The following NXPH1 variants were observed in gnomAD, a reference collection of about 807,000 sequenced individuals.
NXPH1 encodes neurexophilin-1.
Under a neutral mutation model 23.7 loss-of-function variants are expected in NXPH1, and 5 were observed. That is an observed-to-expected ratio of 0.21 (90% CI 0.11 to 0.44). The LOEUF (loss-of-function observed/expected upper bound fraction) is 0.44. Among genes scored for constraint, NXPH1 ranks in the 20% least tolerant of loss-of-function variants. The pLI is 0.99. For missense variants in NXPH1, 324 were observed against 321.6 expected (o/e 1.01, Z -0.06); for synonymous variants, 144 against 122.2 (o/e 1.18, Z -1.18).
intron 2 of NXPH1, among the ~76,000 whole-genome samples, chr7:8,595,812 T>A (rs1244398218): frequency 6.6e-6 from 1 of 151,992 alleles, no homozygotes; most frequent in Non-Finnish European, 1.5e-5. Flanking sequence ...GAAAGGAAAA[T>A]TGAACAAACA....
intron 2 of NXPH1, among the ~76,000 whole-genome samples, chr7:8,731,497 G>A (rs1418920194): frequency 6.6e-6 from 1 of 152,106 alleles, no homozygotes; most frequent in East Asian, 1.9e-4. Context: ...CTTTGATGAT[G>A]GTGACGTACA....
chr7:8,688,298 C>G (rs544123011), intron 2 of NXPH1, among the ~76,000 whole-genome samples: 5 of 152,194 alleles, frequency 3.3e-5, no homozygotes, highest in African/African-American at 1.2e-4. Context: ...AGTCATGGAA[C>G]TGATTCATTA....
chr7:8,620,642 C>T (rs1002139790), intron 2 of NXPH1, among the ~76,000 whole-genome samples: 4 of 152,168 alleles, frequency 2.6e-5, no homozygotes, highest in Non-Finnish European at 5.9e-5. Context: ...AGAAACTGAG[C>T]CCCGCTGATA....
chr7:8,669,064 C>T lies in NXPH1; in HGVS notation c.55-81944C>T, dbSNP rs909676065. ...TGGAATTTGGGTCCACAGGGATGGT[C>T]CTGGAGCTTGAGTATGTTCCAGCCA... On this transcript the variant is annotated intron_variant, in intron 2 of 2. Transcript: ENST00000405863. 3.3e-5 allele frequency among the ~76,000 whole-genome samples: 5 copies of T among 152,252 alleles called. No homozygotes were observed. The South Asian group carries it at 8.3e-4, about 25-fold the overall frequency.
chr7:8,702,389 C>T (rs1779638247), intron 2 of NXPH1, among the ~76,000 whole-genome samples: 1 of 151,816 alleles, frequency 6.6e-6, no homozygotes, highest in Admixed American at 6.6e-5. Flanking sequence ...TTATTCAAAC[C>T]CGATATTTAT....
At chr7:8,741,307 G>T (rs1780356080) in intron 2 of NXPH1, among the ~76,000 whole-genome samples, 1 of 151,826 alleles carries the variant, frequency 6.6e-6, no homozygotes. Context: ...TTCATCCCTT[G>T]ATGGACACTT....
intron 2 of NXPH1, among the ~76,000 whole-genome samples, chr7:8,574,430 A>T (rs1025996266): frequency 6.6e-6 from 1 of 152,000 alleles, no homozygotes; most frequent in Non-Finnish European, 1.5e-5. Context: ...CATCACATAG[A>T]TGTTTTTATG....
intron 2 of NXPH1, among the ~76,000 whole-genome samples, chr7:8,580,923 G>A (rs1818855616): frequency 6.6e-6 from 1 of 151,962 alleles, no homozygotes; most frequent in Non-Finnish European, 1.5e-5. Flanking sequence ...CTTTTTATTT[G>A]GATTTTTAAA....
chr7:8,519,450 C>G (rs1273745429), intron 2 of NXPH1, among the ~76,000 whole-genome samples: 1 of 152,100 alleles, frequency 6.6e-6, no homozygotes, highest in Non-Finnish European at 1.5e-5. Flanking sequence ...ATTAAAAATG[C>G]TATTTTGTTT....
intron 2 of NXPH1, among the ~76,000 whole-genome samples, chr7:8,715,005 A>C (rs1228965864): frequency 6.6e-6 from 1 of 152,156 alleles, no homozygotes; most frequent in Non-Finnish European, 1.5e-5. Context: ...CCAGCACAGC[A>C]CTAGGACTTG....
chr7:8,650,772 ACAGTG>A (rs1218709150), intron 2 of NXPH1, among the ~76,000 whole-genome samples: 1 of 152,194 alleles, frequency 6.6e-6, no homozygotes, highest in Non-Finnish European at 1.5e-5. Context: ...AAGTGAAATG[ACAGTG>A]CTGTTGAAAT....
chr7:8,676,666 C>A (rs1467250315), intron 2 of NXPH1, among the ~76,000 whole-genome samples: 1 of 152,048 alleles, frequency 6.6e-6, no homozygotes, highest in Non-Finnish European at 1.5e-5. Flanking sequence ...AGCTTGGCTG[C>A]CTCTTTATAG....
intron 2 of NXPH1, among the ~76,000 whole-genome samples, chr7:8,687,975 A>C (rs1170069354): frequency 1.3e-5 from 2 of 152,200 alleles, no homozygotes; most frequent in Admixed American, 6.5e-5. Context: ...ATTTTAAATA[A>C]GTAAGGTATG....
At chr7:8,459,819 G>C (rs1183087355) in intron 2 of NXPH1, among the ~76,000 whole-genome samples, 1 of 152,172 alleles carries the variant, frequency 6.6e-6, no homozygotes, top group Non-Finnish European at 1.5e-5. Flanking sequence ...AAGCAATATA[G>C]ACCCAGATAT....
At chr7:8,595,532 T>C (rs1303321935) in intron 2 of NXPH1, among the ~76,000 whole-genome samples, 1 of 152,104 alleles carries the variant, frequency 6.6e-6, no homozygotes, top group African/African-American at 2.4e-5. Context: ...TTAAACATTG[T>C]AAGTATGAAT....
chr7:8,688,954 G>A (rs1203550780), intron 2 of NXPH1, among the ~76,000 whole-genome samples: 3 of 151,948 alleles, frequency 2.0e-5, no homozygotes, highest in South Asian at 4.2e-4. Context: ...AGGTACCTTC[G>A]TTTTCCATGG....
intron 2 of NXPH1, among the ~76,000 whole-genome samples, chr7:8,691,511 A>G (rs1021338636): frequency 6.6e-6 from 1 of 152,194 alleles, no homozygotes; most frequent in Admixed American, 6.5e-5. Flanking sequence ...ACAATTTGGT[A>G]TTGGTAAACA....
intron 2 of NXPH1, among the ~76,000 whole-genome samples, chr7:8,648,431 C>G (rs1268009156): frequency 6.6e-6 from 1 of 152,188 alleles, no homozygotes; most frequent in Non-Finnish European, 1.5e-5. Flanking sequence ...TTTTCTGTGT[C>G]TGGCTTATTT....
intron 2 of NXPH1, among the ~76,000 whole-genome samples, chr7:8,588,511 C>T (rs1335179005): frequency 1.3e-5 from 2 of 152,112 alleles, no homozygotes; most frequent in Non-Finnish European, 2.9e-5. Context: ...CCTTCTCTTG[C>T]ACAACAGACC....
Sources: allele counts gnomAD v4.1 joint callset (sites outside exome capture counted in the v4.1 genomes callset), GRCh38; gene constraint gnomAD v4.1.1; transcripts MANE v1.5; gene names NCBI Gene and HGNC (gene_info 2026-07-23, HGNC 2026-07-21).